CARMIL1: variants seen among roughly 807,000 people sequenced by gnomAD.
CARMIL1 encodes F-actin-uncapping protein LRRC16A.
In CARMIL1, 90 loss-of-function variants were observed where a neutral mutation model predicts 177.1. The ratio of observed to expected loss-of-function variants is 0.51; its 90% CI spans 0.43 to 0.61. CARMIL1 has a LOEUF of 0.61. Ranked by LOEUF, CARMIL1 falls within the 20% of genes least tolerant of loss-of-function variation. The pLI is 0.00. For missense variants in CARMIL1, 1,380 were observed against 1,667.0 expected, an observed-to-expected ratio of 0.83 and a Z score of 3.00; for synonymous variants, 577 against 606.2, an observed-to-expected ratio of 0.95 and a Z score of 0.71.
chr6:25,299,849 G>T lies in CARMIL1; in HGVS notation c.138+14940G>T, dbSNP rs201579042. Among the ~76,000 whole-genome samples, 10 of 152,018 alleles carry T rather than the reference G, an allele frequency of 6.6e-5. No homozygotes were observed. In the East Asian group the frequency reaches 1.2e-3, roughly 18 times the overall value. Reference sequence around the variant, plus strand: ...AAAAATTAGCTGGGTGTGGTGGCGGGTGCCTGTAATCCTAGCTACTTGGGA... The same window carrying T: ...AAAAATTAGCTGGGTGTGGTGGCGGTTGCCTGTAATCCTAGCTACTTGGGA... On this transcript the variant is annotated intron_variant, in intron 2 of 36. Coordinates refer to ENST00000329474, the MANE Select transcript of CARMIL1 (RefSeq NM_017640.6).
chr6:25,301,842 T>C (rs900437235), intron 2 of CARMIL1, among the ~76,000 whole-genome samples: 1 of 152,250 alleles, frequency 6.6e-6, no homozygotes, highest in Non-Finnish European at 1.5e-5. Context: ...TAAAGCTGCA[T>C]AGGGCGTACT....
intron 36 of CARMIL1, among the ~76,000 whole-genome samples, chr6:25,617,035 T>C (rs1371455355): frequency 6.6e-6 from 1 of 152,244 alleles, no homozygotes; most frequent in Non-Finnish European, 1.5e-5. Flanking sequence ...GAGGTGAATA[T>C]ATTTAGAATG....
chr6:25,294,004 G>GA (rs1301315993), intron 2 of CARMIL1, among the ~76,000 whole-genome samples: 1 of 152,240 alleles, frequency 6.6e-6, no homozygotes, highest in Non-Finnish European at 1.5e-5. Flanking sequence ...TTATGGGTGT[G>GA]AACCACTGTG....
chr6:25,323,956 AG>A (rs1396362233), intron 2 of CARMIL1, among the ~76,000 whole-genome samples: 1 of 152,266 alleles, frequency 6.6e-6, no homozygotes, highest in African/African-American at 2.4e-5. Context: ...AGCAGTGATC[AG>A]TTGTGGTAAT....
chr6:25,361,863 C>T (rs929118724), intron 2 of CARMIL1, among the ~76,000 whole-genome samples: 4 of 152,084 alleles, frequency 2.6e-5, no homozygotes, highest in Admixed American at 6.6e-5. Flanking sequence ...TATGACATAG[C>T]GGGAAGGCCC....
chr6:25,390,327 T>A (rs1369995149), intron 2 of CARMIL1, among the ~76,000 whole-genome samples: 11 of 132,314 alleles, frequency 8.3e-5, no homozygotes, highest in South Asian at 3.0e-4. Context: ...TATATTTTTT[T>A]TTTTTTTTTT....
rs1194178004 is a variant in CARMIL1, at chr6:25,300,044, C to A, written c.138+15135C>A. On this transcript the variant is annotated intron_variant, in intron 2 of 36. Coordinates refer to ENST00000329474, the MANE Select transcript of CARMIL1 (RefSeq NM_017640.6). ...CCTTTGGATTGTAGAATTGGCCCCC[C>A]CACTGAGAATCATTGGTTTAGATCA... 3.3e-5 allele frequency among the ~76,000 whole-genome samples: 5 copies of A among 151,882 alleles called. No homozygotes were observed. The East Asian group carries it at 5.8e-4, about 18-fold the overall frequency.
chr6:25,480,807 A>AGGTTCAAGGGAGGAACT (rs1802049447), intron 11 of CARMIL1, among the ~76,000 whole-genome samples: 1 of 127,830 alleles, frequency 7.8e-6, no homozygotes, highest in African/African-American at 3.0e-5. Flanking sequence ...TGCAATCTCC[A>AGGTTCAAGGGAGGAACT]CCTCCTGAGT....
At chr6:25,514,742 T>C (rs1018194685) in intron 20 of CARMIL1, among the ~76,000 whole-genome samples, 1 of 151,938 alleles carries the variant, frequency 6.6e-6, no homozygotes, top group Admixed American at 6.6e-5. Context: ...GGCAACATAG[T>C]GAGACCCTGT....
intron 8 of CARMIL1, among the ~76,000 whole-genome samples, chr6:25,457,395 T>G (rs1294767837): frequency 6.6e-6 from 1 of 152,192 alleles, no homozygotes; most frequent in African/African-American, 2.4e-5. Flanking sequence ...CCTCTAGGAA[T>G]GTCCTCATCT....
At chr6:25,399,119 G>C (rs1562086519) in intron 2 of CARMIL1, among the ~76,000 whole-genome samples, 1 of 152,206 alleles carries the variant, frequency 6.6e-6, no homozygotes, top group Non-Finnish European at 1.5e-5. Context: ...GTGGAGAGAA[G>C]GCCTCTGGAA....
chr6:25,537,921 G>T lies in CARMIL1; in HGVS notation c.2134G>T (p.Ala712Ser). The stretch of plus-strand genomic sequence containing the variant: ...CTCCTTACGAAATTGTGGGGGAGAC[G>T]CTATCCAGGAAGATTTAAAATCAGC... ...LNSLRNCGGD[A>S]IQEDLKSAER... The change falls in exon 25 of 37, where the codon GCT becomes TCT. Residue 712 changes from alanine to serine, a missense_variant. Transcript: ENST00000329474. The T allele has an allele frequency of 1.9e-6, 3 of 1,607,068 alleles. No individual in the cohort carries two copies. Among genetic ancestry groups the T allele is most frequent in the Admixed American group, 1.7e-5 (1 of 59,068 alleles).
intron 13 of CARMIL1, among the ~76,000 whole-genome samples, chr6:25,490,580 C>T (rs1304244431): frequency 6.6e-6 from 1 of 152,052 alleles, no homozygotes; most frequent in Admixed American, 6.6e-5. Flanking sequence ...TGCCTGTAGT[C>T]CCAGCCACTC....
intron 23 of CARMIL1, among the ~76,000 whole-genome samples, chr6:25,522,511 C>T (rs1380067103): frequency 6.6e-6 from 1 of 152,192 alleles, no homozygotes; most frequent in African/African-American, 2.4e-5. Context: ...GTTTGAGAAT[C>T]CCTACTGTAT....
chr6:25,365,663 C>A (rs1789706576), intron 2 of CARMIL1, among the ~76,000 whole-genome samples: 1 of 152,168 alleles, frequency 6.6e-6, no homozygotes. Flanking sequence ...AGTGATTCTC[C>A]TGCCTCAACC....
At chr6:25,601,146 A>AT (rs1815359600) in intron 33 of CARMIL1, among the ~76,000 whole-genome samples, 1 of 152,062 alleles carries the variant, frequency 6.6e-6, no homozygotes, top group African/African-American at 2.4e-5. Flanking sequence ...CGCTGGGTTT[A>AT]TTTGGGTGAG....
At chr6:25,589,725 C>T (rs561073033) in intron 31 of CARMIL1, among the ~76,000 whole-genome samples, 3 of 152,224 alleles carry the variant, frequency 2.0e-5, no homozygotes, top group South Asian at 2.1e-4. Context: ...TGAGCTCACA[C>T]GATCCACATG....
At chr6:25,464,000 T>C (rs1800365423) in intron 8 of CARMIL1, among the ~76,000 whole-genome samples, 1 of 151,832 alleles carries the variant, frequency 6.6e-6, no homozygotes, top group East Asian at 1.9e-4. Flanking sequence ...TTTTTTGTAT[T>C]TTTAGTAGAG....
chr6:25,443,767 A>C (rs1272046671), intron 5 of CARMIL1, among the ~76,000 whole-genome samples: 1 of 151,718 alleles, frequency 6.6e-6, no homozygotes, highest in Non-Finnish European at 1.5e-5. Context: ...TGTGACTATC[A>C]GGGTGGTGGT....
Sources: allele counts gnomAD v4.1 joint callset (sites outside exome capture counted in the v4.1 genomes callset), GRCh38; gene constraint gnomAD v4.1.1; transcripts MANE v1.5; gene names NCBI Gene and HGNC (gene_info 2026-07-23, HGNC 2026-07-21).